The following NRG3 variants were observed in gnomAD, a reference collection of about 807,000 sequenced individuals.
NRG3 encodes pro-neuregulin-3, membrane-bound isoform.
In NRG3, 31 loss-of-function variants were observed where a neutral mutation model predicts 66.9. That is an observed-to-expected ratio of 0.46 (90% CI 0.35 to 0.63). NRG3 has a LOEUF of 0.63. Ranked by LOEUF, NRG3 falls within the 20% of genes least tolerant of loss-of-function variation. NRG3 has a pLI of 0.00. For synonymous variants in NRG3, 393 were observed against 359.4 expected (o/e 1.09, Z -1.06); for missense variants, 910 against 878.9 (o/e 1.04, Z -0.45).
At position 82,722,147 on chromosome 10, in the gene NRG3, G is replaced by T. The variant is rs149830015; in HGVS notation, c.954-16430G>T. 1.5e-3 allele frequency among the ~76,000 whole-genome samples: 230 copies of T among 152,264 alleles called. 1 individual carries two copies. Among genetic ancestry groups the T allele is most frequent in the South Asian group, 0.012 (56 of 4,828 alleles). On this transcript the variant is annotated intron_variant, in intron 2 of 8. Transcript: ENST00000372141. ...AATAGAAGAAAGTACATTGAATTTAGAAACAGAACATGTGGGGCCTGGTTG... is the reference window on the plus strand; with the variant it reads ...AATAGAAGAAAGTACATTGAATTTATAAACAGAACATGTGGGGCCTGGTTG...
intron 2 of NRG3, among the ~76,000 whole-genome samples, chr10:82,613,331 G>A (rs2048425470): frequency 6.6e-6 from 1 of 151,520 alleles, no homozygotes; most frequent in South Asian, 2.1e-4. Context: ...TCTGTAATTT[G>A]ACTAGGTCAT....
intron 2 of NRG3, among the ~76,000 whole-genome samples, chr10:82,556,253 T>C (rs2044642651): frequency 6.6e-6 from 1 of 152,196 alleles, no homozygotes; most frequent in South Asian, 2.1e-4. Flanking sequence ...TCCTTCACTT[T>C]CCTTTCTACT....
At chr10:82,841,399 A>C (rs767630691) in intron 3 of NRG3, among the ~76,000 whole-genome samples, 18 of 152,232 alleles carry the variant, frequency 1.2e-4, no homozygotes, top group Non-Finnish European at 2.1e-4. Flanking sequence ...AACAGAAGAA[A>C]TATGAATAGT....
chr10:82,745,673 C>G lies in NRG3; in HGVS notation c.1027+7023C>G, dbSNP rs191099396. On this transcript the variant is annotated intron_variant, in intron 3 of 8. Transcript: ENST00000372141. ...TTTTTATATATTTGATTGCTAATAT[C>G]TTCAAGTCTTTCCTTTTAAATTATA... Among the ~76,000 whole-genome samples the G allele has an allele frequency of 4.6e-5, 7 of 152,182 alleles. No individual in the cohort carries two copies. The East Asian group carries it at 1.4e-3, about 29-fold the overall frequency.
chr10:82,600,904 A>G (rs1351723033), intron 2 of NRG3, among the ~76,000 whole-genome samples: 1 of 152,168 alleles, frequency 6.6e-6, no homozygotes, highest in Non-Finnish European at 1.5e-5. Context: ...TAGTGAACAT[A>G]GAACCCAATA....
chr10:82,217,686 G>A (rs9419959), intron 1 of NRG3, among the ~76,000 whole-genome samples: 34,024 of 152,084 alleles, frequency 0.22, 4,103 homozygotes, highest in South Asian at 0.31. Flanking sequence ...GACACTGAGC[G>A]TTCTTCAAAA....
At position 81,988,060 on chromosome 10, in the gene NRG3, G is replaced by A. The variant is rs182934125; in HGVS notation, c.823+111897G>A. On this transcript the variant is annotated intron_variant, in intron 1 of 8. Coordinates refer to ENST00000372141, the MANE Select transcript of NRG3 (RefSeq NM_001010848.4). ...AGATAATATTTGGGTTAAAATGGCAGATTTAATAAACTAGGAAAACAAAGA... is the reference window on the plus strand; with the variant it reads ...AGATAATATTTGGGTTAAAATGGCAAATTTAATAAACTAGGAAAACAAAGA... Among the ~76,000 whole-genome samples the A allele has an allele frequency of 2.2e-3, 335 of 152,266 alleles. 1 individual carries two copies. The highest frequency in any genetic ancestry group is 0.01 in the Middle Eastern group (3 of 294).
At chr10:82,286,215 G>A (rs1439509550) in intron 1 of NRG3, among the ~76,000 whole-genome samples, 11 of 152,130 alleles carry the variant, frequency 7.2e-5, no homozygotes, top group Admixed American at 5.9e-4. Flanking sequence ...ATTTGGCAAA[G>A]GAATTTTATC....
At chr10:82,728,999 G>A (rs2057756687) in intron 2 of NRG3, among the ~76,000 whole-genome samples, 2 of 152,134 alleles carry the variant, frequency 1.3e-5, no homozygotes, top group Admixed American at 6.5e-5. Flanking sequence ...GTGTGAGGGT[G>A]TGAGTGTGTG....
At chr10:82,581,935 AT>A (rs5786554) in intron 2 of NRG3, among the ~76,000 whole-genome samples, 39,297 of 151,718 alleles carry the variant, frequency 0.26, 5,388 homozygotes, top group East Asian at 0.34. Flanking sequence ...CTTTTTTTGC[AT>A]AGAGATGTTC....
At chr10:82,353,067 G>A (rs1054707299) in intron 1 of NRG3, among the ~76,000 whole-genome samples, 7 of 152,152 alleles carry the variant, frequency 4.6e-5, no homozygotes, top group Non-Finnish European at 1.0e-4. Context: ...GATTGCGCAT[G>A]CAGGATCAAG....
At chr10:82,530,240 T>C (rs1847122768) in intron 2 of NRG3, among the ~76,000 whole-genome samples, 1 of 152,108 alleles carries the variant, frequency 6.6e-6, no homozygotes, top group South Asian at 2.1e-4. Context: ...ATGTTCTTAT[T>C]AAATTATGGA....
intron 1 of NRG3, among the ~76,000 whole-genome samples, chr10:82,067,640 A>G (rs12252036): frequency 0.053 from 8,130 of 152,198 alleles, 731 homozygotes; most frequent in African/African-American, 0.19. Flanking sequence ...GAGCCACCAC[A>G]CCTGGCCTGT....
intron 1 of NRG3, among the ~76,000 whole-genome samples, chr10:82,139,610 CACTT>C (rs773646083): frequency 2.0e-5 from 3 of 152,122 alleles, no homozygotes; most frequent in Non-Finnish European, 2.9e-5. Flanking sequence ...AATATTGTGA[CACTT>C]ACATTACTGT....
chr10:82,976,642 G>C (rs1311347546), intron 7 of NRG3, among the ~76,000 whole-genome samples: 1 of 151,896 alleles, frequency 6.6e-6, no homozygotes, highest in Non-Finnish European at 1.5e-5. Flanking sequence ...TACCTTTTTT[G>C]TTTTCTGCCT....
At chr10:82,970,787 T>C (rs1027703137) in intron 6 of NRG3, among the ~76,000 whole-genome samples, 20 of 152,224 alleles carry the variant, frequency 1.3e-4, no homozygotes, top group African/African-American at 4.1e-4. Flanking sequence ...CAAATGTCTT[T>C]CTCCCATAAG....
chr10:82,268,120 G>T (rs1042439141), intron 1 of NRG3, among the ~76,000 whole-genome samples: 1 of 152,122 alleles, frequency 6.6e-6, no homozygotes. Context: ...TCACAAAATG[G>T]AAAGTGGAAA....
chr10:82,032,685 A>G (rs984748223), intron 1 of NRG3, among the ~76,000 whole-genome samples: 2 of 152,066 alleles, frequency 1.3e-5, no homozygotes, highest in Non-Finnish European at 2.9e-5. Flanking sequence ...TAAGAAAGTT[A>G]TTTAATATAT....
At chr10:82,666,858 C>G (rs2134004462) in intron 2 of NRG3, among the ~76,000 whole-genome samples, 1 of 152,248 alleles carries the variant, frequency 6.6e-6, no homozygotes, top group South Asian at 2.1e-4. Flanking sequence ...CATTTTTATA[C>G]TTGGATATGG....
Sources: gnomAD v4.1 joint callset for allele counts (sites outside exome capture counted in the v4.1 genomes callset) on GRCh38, gnomAD v4.1.1 for gene constraint, MANE v1.5 for transcripts, NCBI Gene and HGNC (gene_info 2026-07-23, HGNC 2026-07-21) for gene names.